PATJ: variants seen among roughly 807,000 people sequenced by gnomAD.
The protein encoded by PATJ is inaD-like protein.
In PATJ, 190 loss-of-function variants were observed where a neutral mutation model predicts 224.9. That is an observed-to-expected ratio of 0.84 (90% confidence interval 0.75 to 0.95). The LOEUF is 0.95. PATJ is among the 40% of genes least tolerant of loss of function. PATJ has a pLI of 0.00. For missense variants in PATJ, 2,121 were observed against 2,270.3 expected, an observed-to-expected ratio of 0.93 and a Z score of 1.34; for synonymous variants, 769 against 820.3, an observed-to-expected ratio of 0.94 and a Z score of 1.07.
At chr1:62,125,528 T>G (rs1460635085) in intron 39 of PATJ, among the ~76,000 whole-genome samples, 1 of 152,162 alleles carries the variant, frequency 6.6e-6, no homozygotes, top group East Asian at 1.9e-4. Context: ...GCAACTCAAA[T>G]GTTCCTATGA....
At chr1:62,040,779 G>C (rs949025916) in intron 30 of PATJ, among the ~76,000 whole-genome samples, 1 of 151,804 alleles carries the variant, frequency 6.6e-6, no homozygotes, top group Non-Finnish European at 1.5e-5. Context: ...GATTTAAACA[G>C]GGGAGTGAGG....
At position 62,163,663 on chromosome 1, in the gene PATJ, C is replaced by G. The variant is rs545024161; in HGVS notation, c.*2609C>G. ...TCTGTCTCCGCTCACATGACTAATA[C>G]GTAATTGCCTTTCCAAAAAGATATT... On this transcript the variant is annotated 3_prime_UTR_variant, in exon 44 of 44. Transcript: ENST00000642238. 1 of 152,562 alleles carries G rather than the reference C, an allele frequency of 6.6e-6. No homozygotes were observed. The highest frequency in any genetic ancestry group is 2.1e-4 in the South Asian group (1 of 4,812). 9.5% of individuals were successfully genotyped at this position (152,562 alleles called of 1,614,324 possible). A position where few individuals can be genotyped will look rare whatever the true frequency, so the allele number is the denominator to read the frequency against.
At chr1:61,823,728 G>A (rs112457445) in intron 15 of PATJ, among the ~76,000 whole-genome samples, 1 of 152,156 alleles carries the variant, frequency 6.6e-6, no homozygotes, top group Non-Finnish European at 1.5e-5. Flanking sequence ...CATGGGCCTT[G>A]ATTTTAGAGA....
rs187749832 is a variant in PATJ, at chr1:62,055,860, C to T, written c.4125+4802C>T. 2.0e-5 allele frequency among the ~76,000 whole-genome samples: 3 copies of T among 152,242 alleles called. No homozygotes were observed. In the East Asian group the frequency reaches 5.8e-4, roughly 29 times the overall value. On this transcript the variant is annotated intron_variant, in intron 31 of 43. Coordinates refer to ENST00000642238, the MANE Select transcript of PATJ (RefSeq NM_001350145.3). ...GTGTTATGGAGCCTGAGAGGTCCCA[C>T]AATAGGCTGTCTGCAAACTGGAGAA...
chr1:61,900,892 T>C (rs1671069051), intron 23 of PATJ, among the ~76,000 whole-genome samples: 1 of 152,362 alleles, frequency 6.6e-6, no homozygotes, highest in African/African-American at 2.4e-5. Context: ...CCAAGCCATA[T>C]GTGGCTTTCT....
chr1:62,018,037 C>A lies in PATJ; in HGVS notation c.3959+90C>A. On this transcript the variant is annotated intron_variant, in intron 29 of 43. Coordinates refer to ENST00000642238, the MANE Select transcript of PATJ (RefSeq NM_001350145.3). This position sits in a 1 kb window ranked among gnomAD's most constrained non-coding sequence, Gnocchi z 4.2. ...ACTATGTCATCTTTGATTTGTCTAG[C>A]GAAATCACTGTTCCTTCTAAAAACA... The A allele has an allele frequency of 2.9e-6, 2 of 695,712 alleles. No homozygotes were observed. The highest frequency in any genetic ancestry group is 5.3e-6 in the Non-Finnish European group (2 of 376,852). The allele number at this position is 695,712 out of a possible 1,614,324, so 43.1% of individuals were successfully genotyped here.
At chr1:62,097,295 A>G (rs912880307) in intron 33 of PATJ, among the ~76,000 whole-genome samples, 6 of 151,962 alleles carry the variant, frequency 3.9e-5, no homozygotes, top group East Asian at 3.9e-4. Context: ...AACTGGCTAT[A>G]TGTGCTGTCT....
chr1:61,899,604 A>C lies in PATJ; in HGVS notation c.3153A>C (p.Glu1051Asp), dbSNP rs140219143. Residue 1051 changes from glutamate to aspartate, a missense_variant, in exon 23 of 44, where the codon GAA becomes GAC. Glu to Asp is a conservative substitution (Grantham distance 45). Coordinates refer to ENST00000642238, the MANE Select transcript of PATJ (RefSeq NM_001350145.3). ...TDTCELPERE[E>D]GEGEETPNFS... ...GTAGTGAGTTACCTGAGAGAGAAGAAGGCGAAGGAGAAGAAACTCCAAATT... is the reference window on the plus strand; with the variant it reads ...GTAGTGAGTTACCTGAGAGAGAAGACGGCGAAGGAGAAGAAACTCCAAATT... 2.8e-4 allele frequency: 447 copies of C among 1,611,234 alleles called. No individual in the cohort carries two copies. The highest frequency in any genetic ancestry group is 3.4e-4 in the Non-Finnish European group (403 of 1,178,946).
chr1:62,071,449 G>T (rs1018332115), intron 31 of PATJ, among the ~76,000 whole-genome samples: 27 of 151,288 alleles, frequency 1.8e-4, no homozygotes, highest in African/African-American at 6.3e-4. Flanking sequence ...GGGAAATTAA[G>T]GCTTGAAGAG....
At chr1:61,898,911 C>G (rs1670739075) in intron 22 of PATJ, among the ~76,000 whole-genome samples, 1 of 152,040 alleles carries the variant, frequency 6.6e-6, no homozygotes, top group African/African-American at 2.4e-5. Flanking sequence ...CTCAGCCTCT[C>G]AAGTAGCTGG....
chr1:62,088,134 G>A (rs896340038), intron 33 of PATJ, among the ~76,000 whole-genome samples: 6 of 151,846 alleles, frequency 4.0e-5, no homozygotes, highest in African/African-American at 1.2e-4. Context: ...CAGGTGATCC[G>A]CCTGCCTCAG....
At chr1:62,064,439 T>C (rs1288867454) in intron 31 of PATJ, among the ~76,000 whole-genome samples, 1 of 151,888 alleles carries the variant, frequency 6.6e-6, no homozygotes, top group Non-Finnish European at 1.5e-5. Context: ...AGCGATTCTC[T>C]TGCCTCAGCC....
intron 30 of PATJ, among the ~76,000 whole-genome samples, chr1:62,048,367 G>A (rs983115894): frequency 1.3e-5 from 2 of 151,840 alleles, no homozygotes; most frequent in African/African-American, 2.4e-5. Context: ...CCAACATGGC[G>A]AAACCCCGTC....
At position 62,017,912 on chromosome 1, in the gene PATJ, G is replaced by C; in HGVS notation, c.3924G>C (p.Lys1308Asn). ...ACCAAAATGCATCTGCCATTATTAA[G>C]ACTGCCCCATCAAAGGTCAAGCTGG... Reference protein sequence around the residue: ...RSHQNASAIIKTAPSKVKLVF... With the variant: ...RSHQNASAIINTAPSKVKLVF... The change falls in exon 29 of 44, where the codon AAG becomes AAC. Residue 1308 changes from lysine (K) to asparagine (N), a missense_variant. Transcript: ENST00000642238. 1 of 1,612,516 alleles carries C rather than the reference G, an allele frequency of 6.2e-7. No individual in the cohort carries two copies. The highest frequency in any genetic ancestry group is 1.3e-5 in the African/African-American group (1 of 75,008).
At chr1:61,848,185 G>A (rs1390130656) in intron 17 of PATJ, among the ~76,000 whole-genome samples, 1 of 152,156 alleles carries the variant, frequency 6.6e-6, no homozygotes, top group African/African-American at 2.4e-5. Context: ...TTATGTTTGT[G>A]AGGAAACTGA....
chr1:61,771,458 A>C lies in PATJ; in HGVS notation c.552A>C (p.Gln184His). Residue 184 changes from glutamine (Q) to histidine (H), a missense_variant, in exon 6 of 44, where the codon CAA (glutamine) becomes CAC (histidine). Gln to His is a conservative substitution (Grantham distance 24, BLOSUM62 0). Transcript: ENST00000642238. ...DRDQRLKEND[Q>H]ILAINHTPLD... Reference sequence around the variant, plus strand: ...ATCAAAGATTAAAGGAAAATGATCAAATATTGGCCATTAATCACACGCCAT... The same window carrying C: ...ATCAAAGATTAAAGGAAAATGATCACATATTGGCCATTAATCACACGCCAT... 1 of 1,600,368 alleles carries C rather than the reference A, an allele frequency of 6.2e-7. No homozygotes were observed. Among genetic ancestry groups the C allele is most frequent in the South Asian group, 1.1e-5 (1 of 87,576 alleles).
intron 3 of PATJ, among the ~76,000 whole-genome samples, chr1:61,764,031 A>T (rs938531073): frequency 1.0e-4 from 15 of 146,222 alleles, no homozygotes; most frequent in Non-Finnish European, 1.8e-4. Context: ...TATTATTATT[A>T]TTTTTTTTAG....
At chr1:61,889,027 G>C (rs1161366243) in intron 22 of PATJ, among the ~76,000 whole-genome samples, 1 of 152,036 alleles carries the variant, frequency 6.6e-6, no homozygotes, top group Non-Finnish European at 1.5e-5. Context: ...AATCTTTAAG[G>C]GTATGCCCCA....
intron 29 of PATJ, among the ~76,000 whole-genome samples, chr1:62,034,030 G>A (rs773058435): frequency 6.6e-5 from 10 of 152,094 alleles, no homozygotes; most frequent in Admixed American, 6.5e-5. Context: ...GGAAAAGTCC[G>A]TTATCTCTCT....
Sources: gnomAD v4.1 joint callset for allele counts (sites outside exome capture counted in the v4.1 genomes callset) on GRCh38, gnomAD v4.1.1 for gene constraint, Gnocchi (gnomAD v3.1) non-coding constraint, MANE v1.5 for transcripts, NCBI Gene and HGNC (gene_info 2026-07-23, HGNC 2026-07-21) for gene names.